The following LARGE1 variants were observed in gnomAD, a reference collection of about 807,000 sequenced individuals.
LARGE1 encodes LARGE xylosyl- and glucuronyltransferase 1, also known as xylosyl- and glucuronyltransferase LARGE1.
LARGE1 carries 43 observed loss-of-function variants against 87.6 expected under a neutral mutation model. The ratio of observed to expected loss-of-function variants is 0.49; its 90% CI spans 0.38 to 0.63. The LOEUF (loss-of-function observed/expected upper bound fraction) is 0.63. LARGE1 is among the 30% of genes least tolerant of loss of function. The probability of loss-of-function intolerance (pLI) is 0.00; values close to 1 mark genes in which losing one functional copy is unlikely to be tolerated. For missense variants in LARGE1, 802 were observed against 1,000.2 expected (o/e 0.80, Z 2.67); for synonymous variants, 434 against 394.6 (o/e 1.10, Z -1.18).
chr22:33,788,142 G>A (rs2085710592), intron 1 of LARGE1, among the ~76,000 whole-genome samples: 1 of 152,134 alleles, frequency 6.6e-6, no homozygotes, highest in Non-Finnish European at 1.5e-5. Context: ...TCATGGGCAG[G>A]GCCAGGTGGA....
At chr22:33,238,276 T>C (rs1036804878) in intron 11 of LARGE1, among the ~76,000 whole-genome samples, 1 of 152,016 alleles carries the variant, frequency 6.6e-6, no homozygotes, top group Non-Finnish European at 1.5e-5. Context: ...AGGGAAAATA[T>C]AAAATAGAAG....
chr22:33,491,133 G>T (rs920401601), intron 6 of LARGE1, among the ~76,000 whole-genome samples: 1 of 152,112 alleles, frequency 6.6e-6, no homozygotes, highest in Non-Finnish European at 1.5e-5. Flanking sequence ...CAGTTGAGAG[G>T]ATATACATCT....
intron 11 of LARGE1, among the ~76,000 whole-genome samples, chr22:33,210,734 GT>G: frequency 6.6e-6 from 1 of 152,218 alleles, no homozygotes; most frequent in Non-Finnish European, 1.5e-5. Flanking sequence ...ACCTGGCCTG[GT>G]TCCTTGGGCT....
intron 6 of LARGE1, among the ~76,000 whole-genome samples, chr22:33,543,232 A>G (rs1158620153): frequency 6.6e-6 from 1 of 151,784 alleles, no homozygotes; most frequent in African/African-American, 2.4e-5. Context: ...AAAAAGGCCC[A>G]GGATGGTGAG....
chr22:33,395,189 G>A (rs377750308), intron 7 of LARGE1, among the ~76,000 whole-genome samples: 23 of 135,890 alleles, frequency 1.7e-4, no homozygotes, highest in African/African-American at 5.0e-4. Flanking sequence ...AGATCGCGCC[G>A]CTGCACTCCA....
the LARGE1 span, among the ~76,000 whole-genome samples, chr22:33,089,771 C>T: frequency 1.7e-5 from 1 of 60,294 alleles, no homozygotes; most frequent in Non-Finnish European, 2.8e-5. Context: ...GCTGGGATTA[C>T]AGATACAGAG....
intron 1 of LARGE1, among the ~76,000 whole-genome samples, chr22:33,908,144 G>T (rs1037646063): frequency 2.6e-5 from 4 of 152,136 alleles, no homozygotes; most frequent in African/African-American, 9.7e-5. Context: ...ATTATGCCTG[G>T]CCAGCAAATT....
At chr22:33,305,531 C>A in intron 11 of LARGE1, 1 of 964,010 alleles carries the variant, frequency 1.0e-6, no homozygotes, top group Non-Finnish European at 1.2e-6. Context: ...TTTTTCCTTA[C>A]CCAGCAAGAG....
At chr22:33,208,684 T>A (rs960055148) in intron 11 of LARGE1, among the ~76,000 whole-genome samples, 1 of 152,170 alleles carries the variant, frequency 6.6e-6, no homozygotes, top group African/African-American at 2.4e-5. Context: ...CAACCTGTCA[T>A]CTACATTAGG....
chr22:33,443,763 C>T (rs1375062600), intron 6 of LARGE1, among the ~76,000 whole-genome samples: 4 of 152,318 alleles, frequency 2.6e-5, no homozygotes, highest in Middle Eastern at 3.4e-3. Flanking sequence ...TGATTTTTCT[C>T]TTCTTCCTTC....
intron 11 of LARGE1, among the ~76,000 whole-genome samples, chr22:33,198,154 A>AT (rs35667730): frequency 3.3e-5 from 5 of 152,146 alleles, no homozygotes; most frequent in Non-Finnish European, 7.4e-5. Context: ...GGGTGGGGGG[A>AT]ACAGGAGAAA....
chr22:33,842,620 G>A (rs1027235862), intron 1 of LARGE1, among the ~76,000 whole-genome samples: 4 of 152,110 alleles, frequency 2.6e-5, no homozygotes, highest in Non-Finnish European at 5.9e-5. Flanking sequence ...GAAACACCAG[G>A]TGCAGCTTGA....
In LARGE1 at chr22:33,821,041, T is replaced by C. The variant is rs760556816; in HGVS notation, c.-82-59483A>G. Among the ~76,000 whole-genome samples the C allele has an allele frequency of 6.6e-5, 10 of 152,308 alleles. No individual in the cohort carries two copies. In the East Asian group the frequency reaches 1.5e-3, roughly 24 times the overall value. ...TCTTCCTTAATCACCACCGTATCTA[T>C]TGCAGACTTCTCTTTAGTCACCAGG... On this transcript the variant is annotated intron_variant, in intron 1 of 14. Transcript: ENST00000397394.
At chr22:33,591,964 T>A (rs908290121) in intron 5 of LARGE1, among the ~76,000 whole-genome samples, 3 of 150,340 alleles carry the variant, frequency 2.0e-5, no homozygotes, top group Admixed American at 2.0e-4. Context: ...TATTTGAGGC[T>A]GCAGTGAGCT....
chr22:33,457,924 C>T (rs777727611), intron 6 of LARGE1, among the ~76,000 whole-genome samples: 2 of 152,148 alleles, frequency 1.3e-5, no homozygotes, highest in Non-Finnish European at 1.5e-5. Flanking sequence ...AGCTTACCCA[C>T]TGGCCAAGTG....
chr22:33,493,350 G>T (rs577554445), intron 6 of LARGE1, among the ~76,000 whole-genome samples: 2 of 151,876 alleles, frequency 1.3e-5, no homozygotes, highest in East Asian at 1.9e-4. Flanking sequence ...TAGTAGAGAC[G>T]GGGTTTCACC....
the LARGE1 span, among the ~76,000 whole-genome samples, chr22:33,084,662 AC>A: frequency 2.0e-5 from 3 of 152,180 alleles, no homozygotes; most frequent in Non-Finnish European, 4.4e-5. Flanking sequence ...CTCAAAAAAA[AC>A]AAAACAAACA....
chr22:33,303,794 T>C (rs1365498854), intron 12 of LARGE1, among the ~76,000 whole-genome samples: 2 of 139,340 alleles, frequency 1.4e-5, no homozygotes, highest in African/African-American at 6.3e-5. Context: ...GCTAATTTTT[T>C]TGGTATTTTT....
the LARGE1 span, among the ~76,000 whole-genome samples, chr22:33,099,498 T>C: frequency 1.3e-5 from 2 of 152,144 alleles, no homozygotes; most frequent in Non-Finnish European, 2.9e-5. Flanking sequence ...GTGATCTACC[T>C]GCCTTGGCCT....
Sources: gnomAD v4.1 joint callset for allele counts (sites outside exome capture counted in the v4.1 genomes callset) on GRCh38, gnomAD v4.1.1 for gene constraint, MANE v1.5 for transcripts, NCBI Gene and HGNC (gene_info 2026-07-23, HGNC 2026-07-21) for gene names.